The following MYOM3 variants were observed in gnomAD, a reference collection of about 807,000 sequenced individuals.
MYOM3 encodes myomesin 3, also known as myomesin-3.
Under a neutral mutation model 191.7 loss-of-function variants are expected in MYOM3, and 155 were observed. The ratio of observed to expected loss-of-function variants is 0.81; its 90% CI spans 0.71 to 0.92. The LOEUF is 0.92. Ranked by LOEUF, MYOM3 falls within the 40% of genes least tolerant of loss-of-function variation. The probability of loss-of-function intolerance (pLI) is 0.00; values close to 1 mark genes in which losing one functional copy is unlikely to be tolerated. For missense variants in MYOM3, 1,889 were observed against 1,890.6 expected (o/e 1.00, Z 0.02); for synonymous variants, 757 against 762.9 (o/e 0.99, Z 0.13).
rs889205564 is a variant in MYOM3 at position 24,091,764 on chromosome 1, A to G, written c.1232+410T>C. 2.6e-5 allele frequency among the ~76,000 whole-genome samples: 4 copies of G among 152,216 alleles called. No individual in the cohort carries two copies. In the South Asian group the frequency reaches 6.2e-4, roughly 24 times the overall value. ...AAGCTGGGCCTTCAGAGCCGGCCACACTGGAAAAAGGCCGGAGGTTCTGGC... is the reference window on the plus strand; with the variant it reads ...AAGCTGGGCCTTCAGAGCCGGCCACGCTGGAAAAAGGCCGGAGGTTCTGGC... On this transcript the variant is annotated intron_variant, in intron 11 of 36. Transcript: ENST00000374434.
chr1:24,069,935 T>C (rs1643504817), intron 25 of MYOM3, among the ~76,000 whole-genome samples: 1 of 152,180 alleles, frequency 6.6e-6, no homozygotes, highest in Non-Finnish European at 1.5e-5. Context: ...TAATGGCTGC[T>C]TTGCCATCTG....
At chr1:24,094,668 T>C (rs1643869179) in intron 9 of MYOM3, among the ~76,000 whole-genome samples, 185 bp downstream of exon 9, 1 of 152,048 alleles carries the variant, frequency 6.6e-6, no homozygotes, top group African/African-American at 2.4e-5. Context: ...TTGGTGGCCA[T>C]TTATGGGGTG....
intron 25 of MYOM3, 51 bp downstream of exon 25, chr1:24,071,066 C>T: frequency 6.3e-7 from 1 of 1,594,912 alleles, no homozygotes; most frequent in South Asian, 1.1e-5. Flanking sequence ...CCCGCGAGGC[C>T]ACCTCCCCGG....
chr1:24,071,780 C>G (rs1643534733), intron 24 of MYOM3, among the ~76,000 whole-genome samples, 189 bp downstream of exon 24: 1 of 152,238 alleles, frequency 6.6e-6, no homozygotes, highest in Non-Finnish European at 1.5e-5. Flanking sequence ...CCTCGCATCC[C>G]CTTTCCTGCT....
rs147986709 is a variant in MYOM3 at position 24,089,689 on chromosome 1, C to T, written c.1487-24G>A. On this transcript the variant is annotated intron_variant, in intron 13 of 36. Transcript: ENST00000374434. ...ATCTGAAATCAGAGTCACCCGGGAC[C>T]GAGATGGTTGGACCCTCAGAGACCC... 1.3e-3 allele frequency: 2,030 copies of T among 1,556,636 alleles called. 24 individuals carry two copies. The African/African-American group carries it at 0.023, about 17-fold the overall frequency.
chr1:24,068,198 C>T lies in MYOM3; in HGVS notation c.3295+25G>A, dbSNP rs771366349. On this transcript the variant is annotated intron_variant, in intron 26 of 36. Transcript: ENST00000374434. ...CGGGGCAGGGCGGGGCAGGGCTGGG[C>T]GGGGCGAGGCTGGGCATGGCTGACC... 34 of 1,081,972 alleles carry T rather than the reference C, an allele frequency of 3.1e-5. No homozygotes were observed. In the East Asian group the frequency reaches 8.5e-4, roughly 27 times the overall value. 67.0% of individuals were successfully genotyped at this position (1,081,972 alleles called of 1,614,324 possible).
In MYOM3 at chr1:24,057,339, T is replaced by A. The variant is rs968375524; in HGVS notation, c.*25A>T. ...CCCTACTGGTCCATGTAGACTAGAC[T>A]CAGACTGTGCCTGGACACACGCTGT... On this transcript the variant is annotated 3_prime_UTR_variant, in exon 37 of 37. Transcript: ENST00000374434. 2 of 1,604,560 alleles carry A rather than the reference T, an allele frequency of 1.2e-6. No homozygotes were observed. Among genetic ancestry groups the A allele is most frequent in the Admixed American group, 1.7e-5 (1 of 59,718 alleles).
intron 15 of MYOM3, among the ~76,000 whole-genome samples, chr1:24,085,205 GATGGATGGATGA>G: frequency 6.6e-6 from 1 of 152,000 alleles, no homozygotes; most frequent in Middle Eastern, 3.4e-3. Context: ...TGGATGGATA[GATGGATGGATGA>G]ATGGATGGAT....
At chr1:24,095,063 A>G in intron 8 of MYOM3, 73 bp from the exon 9 acceptor site, 1 of 1,493,720 alleles carries the variant, frequency 6.7e-7, no homozygotes, top group Non-Finnish European at 9.1e-7. Context: ...GGAGTGAGGA[A>G]ATTTCTGGGG....
At chr1:24,066,401 A>G in intron 28 of MYOM3, 1 of 607,860 alleles carries the variant, frequency 1.6e-6, no homozygotes, top group Non-Finnish European at 2.9e-6. Flanking sequence ...TTGTACGTTC[A>G]GTACCGTGCA....
Position 24,082,110 on chromosome 1 carries a change from T to C in MYOM3, c.2171A>G (p.Lys724Arg), listed in dbSNP as rs760809627. The C allele has an allele frequency of 1.2e-6, 2 of 1,613,750 alleles. No homozygotes were observed. The highest frequency in any genetic ancestry group is 2.2e-5 in the East Asian group (1 of 44,886). ...NEMVIGWKPP[K>R]RRGGGKILGY... is the part of the protein sequence containing the mutation. Reference sequence around the variant, plus strand: ...CAGGATCTTGCCACCTCCACGACGCTTGGGGGGTTTCCACCCAATGACCAT... The same window carrying C: ...CAGGATCTTGCCACCTCCACGACGCCTGGGGGGTTTCCACCCAATGACCAT... Residue 724 changes from lysine to arginine, a missense_variant, in exon 18 of 37, where the codon AAG (lysine) becomes AGG (arginine). Lys to Arg is a conservative substitution (Grantham distance 26). Transcript: ENST00000374434.
intron 27 of MYOM3, among the ~76,000 whole-genome samples, chr1:24,067,361 T>C (rs1429798437): frequency 4.9e-5 from 6 of 122,336 alleles, no homozygotes; most frequent in South Asian, 2.9e-4. Context: ...TCTTTCTTTC[T>C]TTCTTTCTTT....
At chr1:24,082,232 G>A (rs1473763293) in intron 17 of MYOM3, 44 bp from the exon 18 acceptor site, 1 of 1,511,952 alleles carries the variant, frequency 6.6e-7, no homozygotes, top group Admixed American at 1.9e-5. Context: ...CCCTAGGGGT[G>A]GCTGGATTGG....
Position 24,087,423 on chromosome 1 carries a change from G to A in MYOM3, c.1615-596C>T, listed in dbSNP as rs796506073. Among the ~76,000 whole-genome samples the A allele has an allele frequency of 1.3e-5, 2 of 152,074 alleles. No individual in the cohort carries two copies. Among genetic ancestry groups the A allele is most frequent in the South Asian group, 2.1e-4 (1 of 4,804 alleles). On this transcript the variant is annotated intron_variant, in intron 14 of 36. Transcript: ENST00000374434. This position sits in a 1 kb window ranked among gnomAD's most constrained non-coding sequence, Gnocchi z 4.5. ...TCTGCCCAGAACCCTCCCACGTCCC[G>A]CATCTCCCTCAGAGCAAAAGCTTCC...
chr1:24,068,268 C>T lies in MYOM3; in HGVS notation c.3250G>A (p.Asp1084Asn). The T allele has an allele frequency of 6.2e-7, 1 of 1,614,206 alleles. No individual in the cohort carries two copies. The highest frequency in any genetic ancestry group is 8.5e-7 in the Non-Finnish European group (1 of 1,180,038). ...DKGSYTAQLQ[D>N]GKAKNQITLT... ...GTAATCTGGTTTTTGGCTTTTCCAT[C>T]TTGGAGTTGAGCGGTGTACGACCCT... The change falls in exon 26 of 37, where the codon GAT becomes AAT. Residue 1084 changes from aspartate to asparagine, a missense_variant. By Grantham distance (23) the Asp-to-Asn change is conservative. Transcript: ENST00000374434.
At chr1:24,097,215 C>G (rs947894885) in intron 7 of MYOM3, among the ~76,000 whole-genome samples, 8 of 152,178 alleles carry the variant, frequency 5.3e-5, no homozygotes, top group African/African-American at 1.9e-4. Flanking sequence ...CTGAGGACCC[C>G]TCAGCAGGGT....
intron 24 of MYOM3, 30 bp from the exon 25 acceptor site, chr1:24,071,283 G>C (rs1643529711): frequency 1.3e-6 from 2 of 1,592,608 alleles, no homozygotes; most frequent in African/African-American, 1.3e-5. Context: ...AAGGGGGTGG[G>C]TTGGACCCCT....
rs760515030 is a variant in MYOM3, at chr1:24,086,627, C to T, written c.1798+17G>A. On this transcript the variant is annotated intron_variant, in intron 15 of 36. Coordinates refer to ENST00000374434, the MANE Select transcript of MYOM3 (RefSeq NM_152372.4). The stretch of plus-strand genomic sequence containing the variant: ...CCTGGCCTGCCTCCTCCCCGACCCC[C>T]GGCATCAGGAGGGTACCTGGCGGGC... 23 of 1,609,474 alleles carry T rather than the reference C, an allele frequency of 1.4e-5. No individual in the cohort carries two copies. Among genetic ancestry groups the T allele is most frequent in the African/African-American group, 2.7e-5 (2 of 74,846 alleles).
At chr1:24,100,703 T>C (rs1406323143) in intron 5 of MYOM3, among the ~76,000 whole-genome samples, 1 of 152,012 alleles carries the variant, frequency 6.6e-6, no homozygotes, top group African/African-American at 2.4e-5. Flanking sequence ...TGGCTAACAC[T>C]GTGAAACCCC....
Sources: allele counts gnomAD v4.1 joint callset (sites outside exome capture counted in the v4.1 genomes callset), GRCh38; gene constraint gnomAD v4.1.1; non-coding constraint Gnocchi (gnomAD v3.1); transcripts MANE v1.5; gene names NCBI Gene and HGNC (gene_info 2026-07-23, HGNC 2026-07-21).